The following GRIN2A variants were observed in gnomAD, a reference collection of about 807,000 sequenced individuals.
GRIN2A encodes glutamate receptor ionotropic, NMDA 2A.
A neutral mutation model predicts 113.4 loss-of-function variants in GRIN2A; 22 were observed. The observed-to-expected ratio is 0.19, with a 90% CI of 0.14 to 0.28. The LOEUF is 0.28. Among genes scored for constraint, GRIN2A ranks in the 10% least tolerant of loss-of-function variants. GRIN2A has a pLI of 1.00. For synonymous variants in GRIN2A, 827 were observed against 738.4 expected, an observed-to-expected ratio of 1.12 and a Z score of -1.94; for missense variants, 1,502 against 1,887.0, an observed-to-expected ratio of 0.80 and a Z score of 3.78.
chr16:9,947,666 C>T (rs748363562), intron 2 of GRIN2A, among the ~76,000 whole-genome samples: 1 of 152,162 alleles, frequency 6.6e-6, no homozygotes, highest in Non-Finnish European at 1.5e-5. Flanking sequence ...TCTGTATGTT[C>T]CTGTTATCAA....
At chr16:9,841,580 T>C (rs1271996374) in intron 5 of GRIN2A, among the ~76,000 whole-genome samples, 1 of 152,108 alleles carries the variant, frequency 6.6e-6, no homozygotes. Context: ...TTTGCTTCAT[T>C]CTATAATTAC....
chr16:10,166,111 C>T (rs1457592843), intron 2 of GRIN2A, among the ~76,000 whole-genome samples: 1 of 152,148 alleles, frequency 6.6e-6, no homozygotes, highest in Non-Finnish European at 1.5e-5. Flanking sequence ...AAACAATTCG[C>T]CAGGAAAATA....
chr16:10,074,853 G>C lies in GRIN2A; in HGVS notation c.414+105145C>G, dbSNP rs375280200. Among the ~76,000 whole-genome samples, 7 of 152,306 alleles carry C rather than the reference G, an allele frequency of 4.6e-5. No homozygotes were observed. In the South Asian group the frequency reaches 1.2e-3, roughly 27 times the overall value. On this transcript the variant is annotated intron_variant, in intron 2 of 12. Coordinates refer to ENST00000330684, the MANE Select transcript of GRIN2A (RefSeq NM_001134407.3). ...AATATACTAAAAAGCATTGGACTGTGAACTTTAACATGATAAATTTTATGT... is the reference window on the plus strand; with the variant it reads ...AATATACTAAAAAGCATTGGACTGTCAACTTTAACATGATAAATTTTATGT...
chr16:9,944,727 C>T (rs1432179522), intron 2 of GRIN2A, among the ~76,000 whole-genome samples: 1 of 152,104 alleles, frequency 6.6e-6, no homozygotes, highest in African/African-American at 2.4e-5. Context: ...ACTGCTGGAC[C>T]ACTTCTTTGA....
chr16:9,963,018 A>G (rs889203796), intron 2 of GRIN2A, among the ~76,000 whole-genome samples: 1 of 150,936 alleles, frequency 6.6e-6, no homozygotes, highest in Non-Finnish European at 1.5e-5. Flanking sequence ...AACTATCGCA[A>G]GGACAAAAAA....
chr16:10,118,558 G>A (rs1213567837), intron 2 of GRIN2A, among the ~76,000 whole-genome samples: 1 of 152,124 alleles, frequency 6.6e-6, no homozygotes, highest in Non-Finnish European at 1.5e-5. Context: ...CCAATCCTCT[G>A]GTAGGTAATT....
At chr16:9,911,918 T>C (rs1384460064) in intron 3 of GRIN2A, among the ~76,000 whole-genome samples, 1 of 152,204 alleles carries the variant, frequency 6.6e-6, no homozygotes, top group African/African-American at 2.4e-5. Flanking sequence ...ATTAAGGTAT[T>C]GTGCTTAAGA....
intron 2 of GRIN2A, among the ~76,000 whole-genome samples, chr16:10,137,430 A>G (rs914737236): frequency 2.0e-5 from 3 of 152,112 alleles, no homozygotes; most frequent in African/African-American, 7.2e-5. Flanking sequence ...GAGCCATATC[A>G]CCCACACCTG....
chr16:9,847,141 G>C (rs2042786571), intron 5 of GRIN2A, among the ~76,000 whole-genome samples: 1 of 152,184 alleles, frequency 6.6e-6, no homozygotes, highest in South Asian at 2.1e-4. Flanking sequence ...CCCAAATGGA[G>C]AGACGTTTTT....
intron 2 of GRIN2A, among the ~76,000 whole-genome samples, chr16:10,015,940 A>G (rs2141881929): frequency 6.6e-6 from 1 of 151,490 alleles, no homozygotes; most frequent in East Asian, 2.0e-4. Flanking sequence ...ACATGATAAA[A>G]CCCCGTCTCT....
At chr16:9,910,185 T>TCAGGTA (rs1355014298) in intron 3 of GRIN2A, among the ~76,000 whole-genome samples, 284 of 152,304 alleles carry the variant, frequency 1.9e-3, no homozygotes, top group Middle Eastern at 6.8e-3. Flanking sequence ...TTTTTCAGTT[T>TCAGGTA]TTGTTTGAAT....
At chr16:9,831,291 T>G (rs775641828) in intron 8 of GRIN2A, among the ~76,000 whole-genome samples, 6 of 152,168 alleles carry the variant, frequency 3.9e-5, no homozygotes, top group Non-Finnish European at 5.9e-5. Flanking sequence ...TTCCAAAATG[T>G]AACTCAGATT....
intron 2 of GRIN2A, among the ~76,000 whole-genome samples, chr16:10,155,464 T>C (rs1051438486): frequency 5.3e-5 from 8 of 152,176 alleles, no homozygotes; most frequent in Non-Finnish European, 8.8e-5. Context: ...TTCACATCTG[T>C]ATGATGGTTC....
At chr16:10,100,436 T>C (rs898501353) in intron 2 of GRIN2A, among the ~76,000 whole-genome samples, 1 of 152,130 alleles carries the variant, frequency 6.6e-6, no homozygotes, top group Non-Finnish European at 1.5e-5. Context: ...AATGGGGAGA[T>C]GTATTTCGAC....
intron 11 of GRIN2A, among the ~76,000 whole-genome samples, chr16:9,780,855 G>A (rs554920350): frequency 5.2e-4 from 79 of 152,294 alleles, no homozygotes; most frequent in African/African-American, 1.9e-3. Context: ...ACTTTTTTAA[G>A]CGTGATATTT....
At position 9,754,272 on chromosome 16, in the gene GRIN2A, C is replaced by T. The variant is rs189921110; in HGVS notation, c.*8877G>A. ...AAATTTGTTTTGGCAGGGGAATGAA[C>T]AAGATTAAGATTCATAGTTAAAAAC... On this transcript the variant is annotated 3_prime_UTR_variant, in exon 13 of 13. Coordinates refer to ENST00000330684, the MANE Select transcript of GRIN2A (RefSeq NM_001134407.3). The T allele has an allele frequency of 2.0e-5, 4 of 199,586 alleles. No homozygotes were observed. In the East Asian group the frequency reaches 3.1e-4, roughly 15 times the overall value. 12.4% of individuals were successfully genotyped at this position (199,586 alleles called of 1,614,324 possible). A position where few individuals can be genotyped will look rare whatever the true frequency, so the allele number is the denominator to read the frequency against.
At chr16:9,972,838 A>G (rs1383894352) in intron 2 of GRIN2A, among the ~76,000 whole-genome samples, 2 of 152,222 alleles carry the variant, frequency 1.3e-5, no homozygotes, top group African/African-American at 4.8e-5. Flanking sequence ...ATAGAGAAAG[A>G]GTAATTCACA....
At chr16:9,849,620 A>G in intron 5 of GRIN2A, 136 bp downstream of exon 5, 1 of 739,830 alleles carries the variant, frequency 1.4e-6, no homozygotes, top group Non-Finnish European at 2.4e-6. Context: ...TAAATTGATT[A>G]TTGTATTATA....
intron 2 of GRIN2A, among the ~76,000 whole-genome samples, chr16:10,024,459 C>A (rs902983755): frequency 1.3e-5 from 2 of 152,232 alleles, no homozygotes; most frequent in African/African-American, 4.8e-5. Flanking sequence ...ACCTCATGAT[C>A]CACCCGTCTT....
Sources: allele counts gnomAD v4.1 joint callset (sites outside exome capture counted in the v4.1 genomes callset), GRCh38; gene constraint gnomAD v4.1.1; transcripts MANE v1.5; gene names NCBI Gene and HGNC (gene_info 2026-07-23, HGNC 2026-07-21).